The following TMEM135 variants were observed in gnomAD, a reference collection of about 807,000 sequenced individuals.
The protein encoded by TMEM135 is peroxisomal membrane protein 52.
TMEM135 carries 30 observed loss-of-function variants against 60.3 expected under a neutral mutation model. The observed-to-expected ratio is 0.50, with a 90% confidence interval of 0.37 to 0.68. The LOEUF (loss-of-function observed/expected upper bound fraction) is 0.68, where lower values mean the gene tolerates loss of function less well. Among genes scored for constraint, TMEM135 ranks in the 30% least tolerant of loss-of-function variants. The pLI is 0.00. For missense variants in TMEM135, 468 were observed against 548.8 expected (o/e 0.85, Z 1.47); for synonymous variants, 190 against 186.7 (o/e 1.02, Z -0.14).
At chr11:87,240,215 G>T (rs1941099106) in intron 6 of TMEM135, among the ~76,000 whole-genome samples, 1 of 151,976 alleles carries the variant, frequency 6.6e-6, no homozygotes, top group African/African-American at 2.4e-5. Context: ...AAGGGAAGGT[G>T]AAATATATCC....
chr11:87,058,895 C>T (rs1313465484), intron 1 of TMEM135, among the ~76,000 whole-genome samples: 1 of 152,032 alleles, frequency 6.6e-6, no homozygotes, highest in Non-Finnish European at 1.5e-5. Context: ...GCTGGGATTA[C>T]AGGCATGAGA....
intron 1 of TMEM135, among the ~76,000 whole-genome samples, chr11:87,062,522 G>C (rs1161238965): frequency 6.9e-6 from 1 of 144,696 alleles, no homozygotes; most frequent in Non-Finnish European, 1.5e-5. Flanking sequence ...GGAGTGCCAT[G>C]GTGTGATCTC....
chr11:87,103,836 G>A (rs1857525957), intron 4 of TMEM135, among the ~76,000 whole-genome samples: 1 of 152,026 alleles, frequency 6.6e-6, no homozygotes, highest in African/African-American at 2.4e-5. Flanking sequence ...TGTACTTTTT[G>A]TAGAGATGGG....
intron 7 of TMEM135, among the ~76,000 whole-genome samples, chr11:87,297,256 A>G (rs555953374): frequency 8.5e-5 from 13 of 152,302 alleles, no homozygotes; most frequent in African/African-American, 2.9e-4. Context: ...ATTGAAAACC[A>G]AAGTGCCTGA....
rs1432365367 is a variant in TMEM135, at chr11:87,203,059, G to C, written c.463-33579G>C. Among the ~76,000 whole-genome samples the C allele has an allele frequency of 6.6e-4, 76 of 114,636 alleles. 1 individual carries two copies. The highest frequency in any genetic ancestry group is 2.4e-3 in the African/African-American group (67 of 28,252). 75.2% of individuals were successfully genotyped at this position (114,636 alleles called of 152,430 possible). ...AAAAAAAAAAAAAAAAAAAAAAAAA[G>C]CAGTTTTAGTTTATGAGCAAAATTG... On this transcript the variant is annotated intron_variant, in intron 5 of 14. Transcript: ENST00000305494.
At chr11:87,239,336 T>G (rs1195451203) in intron 6 of TMEM135, among the ~76,000 whole-genome samples, 1 of 152,036 alleles carries the variant, frequency 6.6e-6, no homozygotes, top group African/African-American at 2.4e-5. Context: ...CAACAGAGGT[T>G]TGGTAAATGG....
chr11:87,317,682 G>C (rs1942756151), intron 12 of TMEM135, among the ~76,000 whole-genome samples: 1 of 152,144 alleles, frequency 6.6e-6, no homozygotes, highest in Admixed American at 6.6e-5. Flanking sequence ...ATCATGCAAA[G>C]TTGAAGAAGA....
At chr11:87,041,888 A>T (rs552350462) in intron 1 of TMEM135, among the ~76,000 whole-genome samples, 1 of 152,368 alleles carries the variant, frequency 6.6e-6, no homozygotes, top group South Asian at 2.1e-4. Flanking sequence ...TTGGGGCAGT[A>T]TGAGGACTTC....
At position 87,324,262 on chromosome 11, in the gene TMEM135, G is replaced by A. The variant is rs1243680099; in HGVS notation, c.*2929G>A. The A allele has an allele frequency of 1.1e-5, 5 of 453,828 alleles. No homozygotes were observed. The highest frequency in any genetic ancestry group is 7.8e-5 in the South Asian group (5 of 64,470). The allele number at this position is 453,828 out of a possible 1,614,324, so 28.1% of individuals were successfully genotyped here. On this transcript the variant is annotated 3_prime_UTR_variant, in exon 15 of 15. Transcript: ENST00000305494. The stretch of plus-strand genomic sequence containing the variant: ...GAAAAGCAATGTCCTTTACTCTCAG[G>A]GAGCTTCGTCCACTTGCCTGTGTCA...
At chr11:87,311,238 C>A (rs148480284) in intron 10 of TMEM135, among the ~76,000 whole-genome samples, 12 of 151,366 alleles carry the variant, frequency 7.9e-5, no homozygotes, top group African/African-American at 2.9e-4. Flanking sequence ...TAAAAATTTA[C>A]TCATAAAAGG....
intron 9 of TMEM135, among the ~76,000 whole-genome samples, chr11:87,307,823 T>C (rs1942578044): frequency 6.6e-6 from 1 of 152,224 alleles, no homozygotes; most frequent in South Asian, 2.1e-4. Context: ...TAAATACTCA[T>C]ATTAATTACA....
chr11:87,130,538 C>A (rs1303617546), intron 4 of TMEM135, among the ~76,000 whole-genome samples: 1 of 152,124 alleles, frequency 6.6e-6, no homozygotes, highest in East Asian at 1.9e-4. Context: ...CTCTTCTTTC[C>A]CTACTGTCTT....
At chr11:87,082,072 C>G (rs1384538661) in intron 3 of TMEM135, among the ~76,000 whole-genome samples, 1 of 152,062 alleles carries the variant, frequency 6.6e-6, no homozygotes, top group East Asian at 1.9e-4. Flanking sequence ...AATCACAATT[C>G]CTGGTTGGAT....
At chr11:87,073,831 C>A (rs1028071657) in intron 3 of TMEM135, among the ~76,000 whole-genome samples, 3 of 152,012 alleles carry the variant, frequency 2.0e-5, no homozygotes, top group Admixed American at 6.6e-5. Context: ...CCACGCCTGG[C>A]TAATTTTTGT....
At chr11:87,066,180 C>T (rs994790320) in intron 1 of TMEM135, among the ~76,000 whole-genome samples, 9 of 152,148 alleles carry the variant, frequency 5.9e-5, no homozygotes, top group African/African-American at 2.2e-4. Context: ...TCTTTCTGTT[C>T]TGAAGTTAGT....
intron 7 of TMEM135, among the ~76,000 whole-genome samples, chr11:87,301,513 A>G (rs906565104): frequency 1.4e-4 from 22 of 152,090 alleles, no homozygotes; most frequent in African/African-American, 4.8e-4. Context: ...CTTGACTCCC[A>G]TAGTGCCAGG....
intron 1 of TMEM135, among the ~76,000 whole-genome samples, chr11:87,039,262 G>A (rs769150375): frequency 2.6e-5 from 4 of 152,154 alleles, no homozygotes; most frequent in Non-Finnish European, 5.9e-5. Flanking sequence ...GAGGTTGCAG[G>A]CACCCATTTC....
intron 5 of TMEM135, among the ~76,000 whole-genome samples, chr11:87,199,222 T>C (rs1230544764): frequency 6.6e-6 from 1 of 152,150 alleles, no homozygotes; most frequent in Non-Finnish European, 1.5e-5. Context: ...TAGCTGGGCA[T>C]GGTGGAACTC....
intron 5 of TMEM135, among the ~76,000 whole-genome samples, chr11:87,196,605 G>A (rs1285944574): frequency 1.3e-5 from 2 of 151,996 alleles, no homozygotes; most frequent in Non-Finnish European, 2.9e-5. Flanking sequence ...GAATTTGATG[G>A]GGGGAACCTG....
Sources: gnomAD v4.1 joint callset for allele counts (sites outside exome capture counted in the v4.1 genomes callset) on GRCh38, gnomAD v4.1.1 for gene constraint, MANE v1.5 for transcripts, NCBI Gene and HGNC (gene_info 2026-07-23, HGNC 2026-07-21) for gene names.